The following TACR1 variants were observed in gnomAD, a reference collection of about 807,000 sequenced individuals.
TACR1 encodes tachykinin receptor 1.
Under a neutral mutation model 35.8 loss-of-function variants are expected in TACR1, and 25 were observed. The ratio of observed to expected loss-of-function variants is 0.70; its 90% confidence interval spans 0.51 to 0.98. The LOEUF (loss-of-function observed/expected upper bound fraction) is 0.98. Ranked by LOEUF, TACR1 falls within the 50% of genes least tolerant of loss-of-function variation. The probability of loss-of-function intolerance (pLI) is 0.00; values close to 1 mark genes in which losing one functional copy is unlikely to be tolerated. For synonymous variants in TACR1, 195 were observed against 206.7 expected (o/e 0.94, Z 0.48); for missense variants, 478 against 522.9 (o/e 0.91, Z 0.84).
intron 2 of TACR1, among the ~76,000 whole-genome samples, chr2:75,101,577 C>T (rs1449748652): frequency 6.6e-6 from 1 of 152,130 alleles, no homozygotes; most frequent in Non-Finnish European, 1.5e-5. Context: ...GGAGTGAGCT[C>T]TTGACTCACA....
intron 1 of TACR1, among the ~76,000 whole-genome samples, chr2:75,122,608 A>G (rs1175296054): frequency 6.6e-6 from 1 of 152,122 alleles, no homozygotes; most frequent in Non-Finnish European, 1.5e-5. Context: ...TCTTAAAGTG[A>G]GGAGAGAGTG....
At chr2:75,193,467 G>T (rs968786053) in intron 1 of TACR1, among the ~76,000 whole-genome samples, 1 of 151,970 alleles carries the variant, frequency 6.6e-6, no homozygotes, top group African/African-American at 2.4e-5. Flanking sequence ...CCAACTAATC[G>T]TTATATTTTC....
intron 1 of TACR1, among the ~76,000 whole-genome samples, chr2:75,179,931 C>G (rs965847888): frequency 7.9e-5 from 12 of 152,144 alleles, no homozygotes; most frequent in African/African-American, 2.9e-4. Flanking sequence ...TCATAGCCTG[C>G]CCTGACTAAT....
In TACR1 at chr2:75,049,392, C is replaced by A; in HGVS notation, c.*40G>T. ...TTTCCATGCATGAAGGGAGGCAGGT[C>A]AAAGGCAGTGGGGGCTGCACCTGCC... On this transcript the variant is annotated 3_prime_UTR_variant, in exon 5 of 5. Transcript: ENST00000305249. 1.9e-6 allele frequency: 3 copies of A among 1,581,870 alleles called. No homozygotes were observed. The highest frequency in any genetic ancestry group is 2.3e-5 in the South Asian group (2 of 86,954).
intron 2 of TACR1, among the ~76,000 whole-genome samples, chr2:75,097,952 A>C (rs1351142683): frequency 6.6e-6 from 1 of 152,226 alleles, no homozygotes; most frequent in East Asian, 1.9e-4. Context: ...GTTATAGCTA[A>C]TTACAATTTC....
At chr2:75,119,981 G>A (rs772369307) in intron 2 of TACR1, among the ~76,000 whole-genome samples, 6 of 152,300 alleles carry the variant, frequency 3.9e-5, no homozygotes, top group Middle Eastern at 3.4e-3. Context: ...AAGCTCGGAC[G>A]TGATGTAAAA....
Position 75,199,202 on chromosome 2 carries a change from C to T in TACR1, c.-268G>A. The T allele has an allele frequency of 2.2e-6, 1 of 447,888 alleles. No homozygotes were observed. Among genetic ancestry groups the T allele is most frequent in the Non-Finnish European group, 4.0e-6 (1 of 247,788 alleles). 27.7% of individuals were successfully genotyped at this position (447,888 alleles called of 1,614,324 possible). A position where few individuals can be genotyped will look rare whatever the true frequency, so the allele number is the denominator to read the frequency against. ...GAGTTCAGAAGTCTGGAGACAGCAT[C>T]TCTCTTGCGGTAAACTGAAAAAGGG... On this transcript the variant is annotated 5_prime_UTR_variant, in exon 1 of 5. Transcript: ENST00000305249.
intron 2 of TACR1, among the ~76,000 whole-genome samples, chr2:75,113,532 C>CTTT (rs11437762): frequency 0.011 from 1,036 of 92,014 alleles, 21 homozygotes; most frequent in African/African-American, 0.04. Flanking sequence ...TTTCTTCTTC[C>CTTT]TTTTTTTTTT....
At chr2:75,164,373 C>G (rs1456565410) in intron 1 of TACR1, among the ~76,000 whole-genome samples, 1 of 145,260 alleles carries the variant, frequency 6.9e-6, no homozygotes, top group Non-Finnish European at 1.5e-5. Context: ...TTATATTGTA[C>G]AAAATAAAAA....
At chr2:75,157,352 T>TC (rs1674888414) in intron 1 of TACR1, among the ~76,000 whole-genome samples, 1 of 152,158 alleles carries the variant, frequency 6.6e-6, no homozygotes, top group African/African-American at 2.4e-5. Flanking sequence ...TGACTTTGGG[T>TC]AGGTACTCAA....
intron 2 of TACR1, among the ~76,000 whole-genome samples, chr2:75,087,271 T>C (rs1384363133): frequency 1.3e-5 from 2 of 152,212 alleles, no homozygotes; most frequent in Non-Finnish European, 2.9e-5. Context: ...GCATTTGTAG[T>C]TTGCATGTTA....
At chr2:75,176,466 C>T (rs1675422319) in intron 1 of TACR1, among the ~76,000 whole-genome samples, 2 of 152,168 alleles carry the variant, frequency 1.3e-5, no homozygotes, top group South Asian at 4.2e-4. Context: ...ACTTCAATCT[C>T]CTTTAAAACT....
intron 2 of TACR1, among the ~76,000 whole-genome samples, chr2:75,092,958 A>G (rs1471128404): frequency 6.6e-6 from 1 of 152,218 alleles, no homozygotes; most frequent in Non-Finnish European, 1.5e-5. Flanking sequence ...AAAGTTTTCA[A>G]CTACTTATCT....
In TACR1 at chr2:75,115,685, T is replaced by A. The variant is rs1673839534; in HGVS notation, c.584+4889A>T. Among the ~76,000 whole-genome samples the A allele has an allele frequency of 2.0e-5, 3 of 152,002 alleles. No homozygotes were observed. In the South Asian group the frequency reaches 6.2e-4, roughly 32 times the overall value. ...ACTTTGGGAGGCCGAGGCGGGTGGA[T>A]CACGAGGTCAGGAGATCGAGACCAG... is the stretch of plus-strand genomic sequence containing the variant. On this transcript the variant is annotated intron_variant, in intron 2 of 4. Transcript: ENST00000305249.
chr2:75,106,617 A>G (rs1264722155), intron 2 of TACR1, among the ~76,000 whole-genome samples: 1 of 152,004 alleles, frequency 6.6e-6, no homozygotes, highest in East Asian at 1.9e-4. Context: ...TCCTTTTCCT[A>G]TAAATGGAAG....
chr2:75,184,362 A>G (rs1675635635), intron 1 of TACR1, among the ~76,000 whole-genome samples: 1 of 152,104 alleles, frequency 6.6e-6, no homozygotes, highest in Non-Finnish European at 1.5e-5. Flanking sequence ...TTATATTAAG[A>G]GAAACATTAC....
intron 2 of TACR1, among the ~76,000 whole-genome samples, chr2:75,079,489 C>T (rs1673041205): frequency 6.6e-6 from 1 of 152,174 alleles, no homozygotes. Context: ...CTGGTAGCCC[C>T]ACCATGCCCA....
intron 1 of TACR1, among the ~76,000 whole-genome samples, chr2:75,125,671 CAT>C (rs1674058409): frequency 6.6e-6 from 1 of 152,124 alleles, no homozygotes; most frequent in Non-Finnish European, 1.5e-5. Context: ...GAAAAACATA[CAT>C]GTTATACCTT....
chr2:75,182,078 A>G (rs1178736854), intron 1 of TACR1, among the ~76,000 whole-genome samples: 1 of 152,242 alleles, frequency 6.6e-6, no homozygotes, highest in Non-Finnish European at 1.5e-5. Flanking sequence ...CCCTTAGCTT[A>G]GGCTAAGGAT....
Sources: allele counts gnomAD v4.1 joint callset (sites outside exome capture counted in the v4.1 genomes callset), GRCh38; gene constraint gnomAD v4.1.1; transcripts MANE v1.5; gene names NCBI Gene and HGNC (gene_info 2026-07-23, HGNC 2026-07-21).